Variants in EPYC observed in about 807,000 individuals in gnomAD.
EPYC encodes the protein dermatan sulfate proteoglycan 3.
EPYC carries 28 observed loss-of-function variants against 30.1 expected under a neutral mutation model. The observed-to-expected ratio is 0.93, with a 90% CI of 0.69 to 1.28. The LOEUF is 1.28. Among genes scored for constraint, EPYC ranks in the 50% most tolerant of loss-of-function variants. The pLI, the probability that EPYC is intolerant of heterozygous loss-of-function variation, is 0.00. For synonymous variants in EPYC, 144 were observed against 141.4 expected (o/e 1.02, Z -0.13); for missense variants, 382 against 383.5 (o/e 1.00, Z 0.03).
chr12:90,987,053 T>TA (rs1163163158), intron 2 of EPYC, among the ~76,000 whole-genome samples: 1 of 152,032 alleles, frequency 6.6e-6, no homozygotes, highest in Admixed American at 6.6e-5. Flanking sequence ...TGTATAAGAG[T>TA]AAGAAAATAT....
At chr12:90,985,828 C>T (rs1284957205) in intron 2 of EPYC, among the ~76,000 whole-genome samples, 2 of 152,084 alleles carry the variant, frequency 1.3e-5, no homozygotes, top group Non-Finnish European at 2.9e-5. Context: ...CTCATGTCAT[C>T]ACCCTCACTG....
chr12:90,970,127 G>A lies in EPYC; in HGVS notation c.715C>T (p.Leu239Phe). 6.2e-7 allele frequency: 1 copy of A among 1,611,790 alleles called. No individual in the cohort carries two copies. Among genetic ancestry groups the A allele is most frequent in the Non-Finnish European group, 8.5e-7 (1 of 1,177,982 alleles). Reference sequence around the variant, plus strand: ...TTATCAGTGAGGTACAGATGATGGAGATCATACATGTCCTGTAAACATTCC... The same window carrying A: ...TTATCAGTGAGGTACAGATGATGGAAATCATACATGTCCTGTAAACATTCC... Reference protein sequence around the residue: ...KQEAFKDMYDLHHLYLTDNNL... With the variant: ...KQEAFKDMYDFHHLYLTDNNL... The change falls in exon 6 of 7, where the codon CTC becomes TTC. Residue 239 changes from leucine (L) to phenylalanine (F), a missense_variant. Coordinates refer to ENST00000261172, the MANE Select transcript of EPYC (RefSeq NM_004950.5).
At chr12:90,984,254 T>A (rs925733123) in intron 2 of EPYC, among the ~76,000 whole-genome samples, 2 of 152,172 alleles carry the variant, frequency 1.3e-5, no homozygotes, top group Admixed American at 1.3e-4. Context: ...AACTGGTGTT[T>A]CTGCTGCTGC....
At chr12:90,966,420 A>G (rs1439612112) in intron 6 of EPYC, among the ~76,000 whole-genome samples, 2 of 152,008 alleles carry the variant, frequency 1.3e-5, no homozygotes, top group Non-Finnish European at 2.9e-5. Flanking sequence ...TAAGCCCTTT[A>G]TTCTATTAAT....
chr12:90,977,510 G>T (rs567479988), intron 3 of EPYC, among the ~76,000 whole-genome samples: 1 of 152,192 alleles, frequency 6.6e-6, no homozygotes, highest in African/African-American at 2.4e-5. Flanking sequence ...GAACAGGCTG[G>T]CTTCAAACCT....
chr12:90,974,350 G>A (rs531714729), intron 3 of EPYC, among the ~76,000 whole-genome samples: 1 of 152,044 alleles, frequency 6.6e-6, no homozygotes. Context: ...AAGTGAGGGA[G>A]CTGAAAGCCA....
At chr12:90,997,474 C>T (rs911844485) in intron 2 of EPYC, among the ~76,000 whole-genome samples, 4 of 151,960 alleles carry the variant, frequency 2.6e-5, no homozygotes, top group African/African-American at 9.7e-5. Context: ...TCTTAGAAAA[C>T]AAGTTGAAGC....
At chr12:90,999,124 C>G (rs1035387223) in intron 2 of EPYC, among the ~76,000 whole-genome samples, 1 of 151,944 alleles carries the variant, frequency 6.6e-6, no homozygotes, top group Non-Finnish European at 1.5e-5. Flanking sequence ...TAGGTGGTCT[C>G]CCTTTCTTAA....
At chr12:90,986,489 G>A (rs750471234) in intron 2 of EPYC, among the ~76,000 whole-genome samples, 22 of 151,994 alleles carry the variant, frequency 1.4e-4, no homozygotes, top group Non-Finnish European at 2.8e-4. Flanking sequence ...TATACTCTGC[G>A]CTCTCAAATA....
chr12:90,991,717 C>T (rs1190380326), intron 2 of EPYC, among the ~76,000 whole-genome samples: 1 of 152,084 alleles, frequency 6.6e-6, no homozygotes, highest in Non-Finnish European at 1.5e-5. Context: ...AAACACCAAA[C>T]CTGGGTCTCA....
intron 2 of EPYC, 93 bp from the exon 3 acceptor site, chr12:90,978,355 C>T: frequency 7.9e-7 from 1 of 1,265,352 alleles, no homozygotes; most frequent in Non-Finnish European, 1.1e-6. Context: ...CCCATATTTG[C>T]CACAAGAGGA....
At chr12:90,981,744 T>C (rs1010776286) in intron 2 of EPYC, among the ~76,000 whole-genome samples, 4 of 152,158 alleles carry the variant, frequency 2.6e-5, no homozygotes, top group African/African-American at 9.7e-5. Flanking sequence ...TGAGTCCTTT[T>C]AGTACATATT....
intron 1 of EPYC, among the ~76,000 whole-genome samples, chr12:91,003,067 G>C (rs1424083555): frequency 6.6e-6 from 1 of 152,028 alleles, no homozygotes; most frequent in East Asian, 1.9e-4. Context: ...TCCAATTTCA[G>C]TGATCCACAG....
At chr12:90,978,552 A>G (rs1427841105) in intron 2 of EPYC, among the ~76,000 whole-genome samples, 2 of 152,040 alleles carry the variant, frequency 1.3e-5, no homozygotes, top group Admixed American at 1.3e-4. Context: ...TAGGTTTAAA[A>G]AAAAGCTCAT....
Position 90,973,018 on chromosome 12 carries a change from C to T in EPYC, c.341-38G>A, listed in dbSNP as rs754881184. On this transcript the variant is annotated intron_variant, in intron 3 of 6. Transcript: ENST00000261172. ...GGAAAATAAAATTAAATGTAAGTACCAAATCAATTTCTAAGAAATAATGTG... is the reference window on the plus strand; with the variant it reads ...GGAAAATAAAATTAAATGTAAGTACTAAATCAATTTCTAAGAAATAATGTG... 4 of 1,384,084 alleles carry T rather than the reference C, an allele frequency of 2.9e-6. No individual in the cohort carries two copies. The Admixed American group carries it at 8.0e-5, about 28-fold the overall frequency. The allele number at this position is 1,384,084 out of a possible 1,614,324, so 85.7% of individuals were successfully genotyped here. A position where few individuals can be genotyped will look rare whatever the true frequency, so the allele number is the denominator to read the frequency against.
rs563949978 is a variant in EPYC, at chr12:91,000,518, G to C, written c.165+1883C>G. Among the ~76,000 whole-genome samples, 7 of 152,138 alleles carry C rather than the reference G, an allele frequency of 4.6e-5. No homozygotes were observed. The South Asian group carries it at 1.5e-3, about 32-fold the overall frequency. ...AAAATGATCCTGATGGTAAGGAATG[G>C]GTTAAAAGAGCTCTGCAGATATAGT... On this transcript the variant is annotated intron_variant, in intron 2 of 6. Coordinates refer to ENST00000261172, the MANE Select transcript of EPYC (RefSeq NM_004950.5).
chr12:91,004,260 T>G (rs1222527995), intron 1 of EPYC, among the ~76,000 whole-genome samples: 1 of 152,132 alleles, frequency 6.6e-6, no homozygotes, highest in Non-Finnish European at 1.5e-5. Context: ...TATATTTGAT[T>G]ACATATAGCT....
intron 2 of EPYC, among the ~76,000 whole-genome samples, chr12:90,982,072 A>G (rs969163125): frequency 1.3e-5 from 2 of 152,142 alleles, no homozygotes; most frequent in African/African-American, 2.4e-5. Context: ...TATGTCAAAC[A>G]TTATGCTTAA....
chr12:90,969,958 T>C (rs890568165), intron 6 of EPYC, 86 bp downstream of exon 6: 6 of 895,464 alleles, frequency 6.7e-6, no homozygotes, highest in Non-Finnish European at 5.6e-6. Flanking sequence ...CAACATGCCA[T>C]TACAGACAAA....
Sources: gnomAD v4.1 joint callset for allele counts (sites outside exome capture counted in the v4.1 genomes callset) on GRCh38, gnomAD v4.1.1 for gene constraint, MANE v1.5 for transcripts, NCBI Gene and HGNC (gene_info 2026-07-23, HGNC 2026-07-21) for gene names.